The following CTNNA2 variants were observed in gnomAD, a reference collection of about 807,000 sequenced individuals.
The protein encoded by CTNNA2 is catenin alpha 2.
In CTNNA2, 42 loss-of-function variants were observed where a neutral mutation model predicts 101.0. The ratio of observed to expected loss-of-function variants is 0.42; its 90% CI spans 0.32 to 0.54. The LOEUF is 0.54. CTNNA2 is among the 20% of genes least tolerant of loss of function. The pLI is 0.14. For missense variants in CTNNA2, 871 were observed against 1,223.1 expected, an observed-to-expected ratio of 0.71 and a Z score of 4.29; for synonymous variants, 450 against 456.4, an observed-to-expected ratio of 0.99 and a Z score of 0.18.
chr2:79,284,434 A>C (rs1011681644), intron 2 of CTNNA2, among the ~76,000 whole-genome samples: 1 of 150,112 alleles, frequency 6.7e-6, no homozygotes, highest in Non-Finnish European at 1.5e-5. Flanking sequence ...AATATGTCCC[A>C]TCAATACCTA....
chr2:79,558,632 G>C (rs1479223250), intron 1 of CTNNA2, among the ~76,000 whole-genome samples: 8 of 151,854 alleles, frequency 5.3e-5, no homozygotes, highest in Non-Finnish European at 7.4e-5. Context: ...ATCAGGATTG[G>C]CTTACTTGGG....
chr2:79,341,904 A>G (rs1677146443), intron 3 of CTNNA2, among the ~76,000 whole-genome samples: 1 of 152,092 alleles, frequency 6.6e-6, no homozygotes, highest in African/African-American at 2.4e-5. Context: ...TAGGAGTCTG[A>G]TGTCTTTTAT....
chr2:80,366,417 C>T (rs1240570288), intron 7 of CTNNA2, among the ~76,000 whole-genome samples: 1 of 152,054 alleles, frequency 6.6e-6, no homozygotes, highest in African/African-American at 2.4e-5. Flanking sequence ...GCAGTGGCGG[C>T]GTGTGTGTAT....
chr2:80,075,537 TA>T (rs1388529218), intron 7 of CTNNA2, among the ~76,000 whole-genome samples: 1 of 140,874 alleles, frequency 7.1e-6, no homozygotes, highest in Non-Finnish European at 1.5e-5. Context: ...ATAACTGTTA[TA>T]AAAATAATAT....
chr2:79,801,595 G>A (rs527776785), intron 3 of CTNNA2, among the ~76,000 whole-genome samples: 1 of 152,142 alleles, frequency 6.6e-6, no homozygotes, highest in South Asian at 2.1e-4. Flanking sequence ...GGGGCTCACA[G>A]ACCCACTCTA....
chr2:79,949,274 C>T (rs1285820558), intron 7 of CTNNA2, among the ~76,000 whole-genome samples: 3 of 152,094 alleles, frequency 2.0e-5, no homozygotes, highest in Non-Finnish European at 2.9e-5. Context: ...GAAGGAATAA[C>T]GTGCGTGGGA....
At chr2:79,732,802 C>T (rs997193272) in intron 2 of CTNNA2, among the ~76,000 whole-genome samples, 5 of 152,104 alleles carry the variant, frequency 3.3e-5, no homozygotes, top group South Asian at 2.1e-4. Context: ...TCACTCTCCT[C>T]CAAGGGAAAC....
chr2:79,250,202 A>G (rs1433906151), intron 2 of CTNNA2, among the ~76,000 whole-genome samples: 1 of 152,158 alleles, frequency 6.6e-6, no homozygotes, highest in Admixed American at 6.6e-5. Context: ...TAAGTCATTT[A>G]GTAGGGAATT....
intron 3 of CTNNA2, among the ~76,000 whole-genome samples, chr2:79,799,408 A>C (rs1339985181): frequency 6.6e-6 from 1 of 151,912 alleles, no homozygotes; most frequent in Non-Finnish European, 1.5e-5. Flanking sequence ...AACCTTTTTC[A>C]TATAGTTTGA....
At position 79,987,067 on chromosome 2, in the gene CTNNA2, T is replaced by C. The variant is rs552371663; in HGVS notation, c.1056+77270T>C. On this transcript the variant is annotated intron_variant, in intron 7 of 18. Coordinates refer to ENST00000402739, the MANE Select transcript of CTNNA2 (RefSeq NM_001282597.3). ...CGGGCCCAGAGTGCTGTGTGGTGTT[T>C]GGTGTCTTGTGGAACCACTTTTTTT... Among the ~76,000 whole-genome samples the C allele has an allele frequency of 2.0e-5, 3 of 152,258 alleles. No homozygotes were observed. The South Asian group carries it at 6.2e-4, about 32-fold the overall frequency.
chr2:80,569,926 G>A (rs1694427167), intron 12 of CTNNA2, among the ~76,000 whole-genome samples: 1 of 152,078 alleles, frequency 6.6e-6, no homozygotes, highest in South Asian at 2.1e-4. Flanking sequence ...ACAGGCATGA[G>A]CCAAGGCGCC....
At chr2:79,638,803 T>A (rs929271202) in intron 1 of CTNNA2, among the ~76,000 whole-genome samples, 5 of 152,250 alleles carry the variant, frequency 3.3e-5, no homozygotes, top group African/African-American at 1.2e-4. Context: ...TTGCTTGCTT[T>A]AAAAATACAA....
In CTNNA2 at chr2:79,860,546, G is replaced by GTTTTTTTTTTTTTTTTTTTTTTTTT. The variant is rs56929879; in HGVS notation, c.465+2386_465+2387insTTTTTTTTTTTTTTTTTTTTTTTTT. On this transcript the variant is annotated intron_variant, in intron 4 of 18. Transcript: ENST00000402739. The stretch of plus-strand genomic sequence containing the variant: ...TTCTCCACACAGCCGAGTAAGGGAA[G>GTTTTTTTTTTTTTTTTTTTTTTTTT]TTTTTTTTTTTTTTTTTTTAACGAT... Among the ~76,000 whole-genome samples, 56 of 107,178 alleles carry GTTTTTTTTTTTTTTTTTTTTTTTTT rather than the reference G, an allele frequency of 5.2e-4. 3 individuals are homozygous for GTTTTTTTTTTTTTTTTTTTTTTTTT. Among genetic ancestry groups the GTTTTTTTTTTTTTTTTTTTTTTTTT allele is most frequent in the African/African-American group, 2.0e-3 (53 of 27,080 alleles). The allele number at this position is 107,178 out of a possible 152,430, so 70.3% of individuals were successfully genotyped here.
rs79633036 is a variant in CTNNA2, at chr2:79,528,804, T to C, written c.-6+15597T>C. Among the ~76,000 whole-genome samples the C allele has an allele frequency of 6.8e-3, 1,035 of 152,274 alleles. 18 individuals are homozygous for C. Among genetic ancestry groups the C allele is most frequent in the African/African-American group, 0.024 (978 of 41,564 alleles). The stretch of plus-strand genomic sequence containing the variant: ...ATTATGTTTATATCTAGCCACAATA[T>C]AGCTGAAAAGACATTTCTTAATTGC... On this transcript the variant is annotated intron_variant, in intron 1 of 18. Transcript: ENST00000402739.
rs565445054 is a variant in CTNNA2 at position 80,144,313 on chromosome 2, A to AGCCTCCTCCTT, written c.1056+234517_1056+234527dup. ...CCATAGATGCACCTGGTTAAAAGAC[A>AGCCTCCTCCTT]GCCTCCTCCTTAACAATACCAGAAG... On this transcript the variant is annotated intron_variant, in intron 7 of 18. Transcript: ENST00000402739. Among the ~76,000 whole-genome samples the AGCCTCCTCCTT allele has an allele frequency of 7.2e-4, 110 of 152,324 alleles. No individual in the cohort carries two copies. The East Asian group carries it at 0.02, about 28-fold the overall frequency.
chr2:80,228,249 G>A (rs966709277), intron 7 of CTNNA2, among the ~76,000 whole-genome samples: 4 of 152,158 alleles, frequency 2.6e-5, no homozygotes, highest in Non-Finnish European at 4.4e-5. Flanking sequence ...TCACAGTTCC[G>A]GAATCTGGTA....
At chr2:79,231,982 A>G (rs1173495724) in intron 2 of CTNNA2, among the ~76,000 whole-genome samples, 2 of 152,174 alleles carry the variant, frequency 1.3e-5, no homozygotes, top group Non-Finnish European at 2.9e-5. Flanking sequence ...TTTTCTAGGT[A>G]TAGAATCATA....
chr2:79,365,239 T>C (rs894186069), intron 3 of CTNNA2, among the ~76,000 whole-genome samples: 3 of 151,664 alleles, frequency 2.0e-5, no homozygotes, highest in African/African-American at 7.3e-5. Flanking sequence ...ATCATGTCAC[T>C]GCACTCCAGC....
intron 7 of CTNNA2, among the ~76,000 whole-genome samples, chr2:80,199,690 A>G (rs1026599537): frequency 4.3e-4 from 66 of 152,288 alleles, no homozygotes; most frequent in African/African-American, 1.6e-3. Flanking sequence ...TATCATGGTT[A>G]CCTCTGTGGA....
Sources: allele counts gnomAD v4.1 joint callset (sites outside exome capture counted in the v4.1 genomes callset), GRCh38; gene constraint gnomAD v4.1.1; transcripts MANE v1.5; gene names NCBI Gene and HGNC (gene_info 2026-07-23, HGNC 2026-07-21).